Variants in MID1 observed in about 807,000 individuals in gnomAD.
MID1 encodes E3 ubiquitin-protein ligase Midline-1.
MID1 carries 7 observed loss-of-function variants against 40.4 expected under a neutral mutation model. The ratio of observed to expected loss-of-function variants is 0.17; its 90% confidence interval spans 0.10 to 0.33. MID1 has a LOEUF of 0.33. Among genes scored for constraint, MID1 ranks in the 10% least tolerant of loss-of-function variants. MID1 has a pLI of 1.00. For missense variants in MID1, 367 were observed against 558.5 expected, an observed-to-expected ratio of 0.66 and a Z score of 3.46; for synonymous variants, 229 against 221.2, an observed-to-expected ratio of 1.04 and a Z score of -0.31.
intron 1 of MID1, among the ~76,000 whole-genome samples, chrX:10,597,115 T>TTATACATATG (rs1935427473): frequency 9.0e-6 from 1 of 111,350 alleles, no homozygotes. Flanking sequence ...TATGTATTTA[T>TTATACATATG]TATACATATG....
rs1935990229 is a variant in MID1 at position 10,625,866 on chromosome X, A to T, written c.-186-5447T>A. On this transcript the variant is annotated intron_variant, in intron 1 of 10. Transcript: ENST00000380785. ...TCAATGGGACCCAGAAAATAGAGGA[A>T]CCAACATAAAAAGAAGTAAGGAAAG... 2.7e-5 allele frequency among the ~76,000 whole-genome samples: 3 copies of T among 111,868 alleles called. No homozygotes were observed. The South Asian group carries it at 1.1e-3, about 42-fold the overall frequency.
intron 1 of MID1, among the ~76,000 whole-genome samples, chrX:10,768,852 A>G (rs2043747401): frequency 9.0e-6 from 1 of 111,368 alleles, no homozygotes; most frequent in Admixed American, 9.6e-5. Context: ...TTTTTATATA[A>G]CAACGGCTCC....
intron 2 of MID1, among the ~76,000 whole-genome samples, chrX:10,525,730 C>T (rs761453880): frequency 8.9e-6 from 1 of 112,460 alleles, no homozygotes; most frequent in African/African-American, 3.2e-5. Context: ...AGTGCCTCTG[C>T]TTCCTTCCAT....
chrX:10,467,321 G>C (rs775253263), intron 7 of MID1, among the ~76,000 whole-genome samples: 114 of 111,761 alleles, frequency 1.0e-3, no homozygotes, highest in Admixed American at 2.9e-4. Flanking sequence ...AGTCAGAAAT[G>C]AGGAATGATA....
intron 1 of MID1, among the ~76,000 whole-genome samples, chrX:10,785,704 C>A (rs1225056908): frequency 9.0e-6 from 1 of 111,338 alleles, no homozygotes; most frequent in East Asian, 2.8e-4. Flanking sequence ...CTGACAAAAA[C>A]AAGAAATGGG....
chrX:10,817,729 C>T (rs1033969931), intron 1 of MID1, among the ~76,000 whole-genome samples: 2 of 105,931 alleles, frequency 1.9e-5, no homozygotes, highest in East Asian at 2.9e-4. Flanking sequence ...ACGTGATTCT[C>T]GTGCTTCAGC....
chrX:10,771,869 T>G (rs1311607347), intron 1 of MID1, among the ~76,000 whole-genome samples: 3 of 110,224 alleles, frequency 2.7e-5, no homozygotes, highest in African/African-American at 6.6e-5. Context: ...AATCCAAAAA[T>G]TTTAAAACTT....
chrX:10,621,965 C>A (rs1935939822), upstream of MID1, among the ~76,000 whole-genome samples: 5 of 102,946 alleles, frequency 4.9e-5, no homozygotes, highest in South Asian at 1.9e-3. Context: ...AGCACCCCCA[C>A]AATCGTGATG....
intron 1 of MID1, among the ~76,000 whole-genome samples, chrX:10,696,545 G>A (rs1355426375): frequency 6.3e-5 from 7 of 111,713 alleles, no homozygotes; most frequent in African/African-American, 2.3e-4. Context: ...CTCTCACACT[G>A]CAGTTATGCC....
At chrX:10,698,737 A>G (rs2043176854) in intron 1 of MID1, among the ~76,000 whole-genome samples, 1 of 109,931 alleles carries the variant, frequency 9.1e-6, no homozygotes, top group Non-Finnish European at 1.9e-5. Flanking sequence ...AAAAGAAAAA[A>G]AAAAAAAAAA....
intron 1 of MID1, among the ~76,000 whole-genome samples, chrX:10,771,552 T>C (rs1159740370): frequency 9.2e-6 from 1 of 108,740 alleles, no homozygotes; most frequent in African/African-American, 3.3e-5. Flanking sequence ...AGTGCAGTGG[T>C]GCAATCTCAG....
At chrX:10,792,564 T>C (rs2043940122) in intron 1 of MID1, among the ~76,000 whole-genome samples, 1 of 112,094 alleles carries the variant, frequency 8.9e-6, no homozygotes, top group Non-Finnish European at 1.9e-5. Context: ...AATAAATATA[T>C]AGTTCAAAAA....
chrX:10,460,062 A>AT (rs773249940), intron 7 of MID1: 1 of 407,365 alleles, frequency 2.5e-6, no homozygotes, highest in South Asian at 3.4e-5. Context: ...GGTGCAATAT[A>AT]TTTCCCTGTC....
intron 3 of MID1, among the ~76,000 whole-genome samples, chrX:10,510,614 C>CTT (rs1932073657): frequency 1.9e-5 from 2 of 106,202 alleles, no homozygotes; most frequent in African/African-American, 3.5e-5. Context: ...GGGCAGATCA[C>CTT]GAGGTCAGGA....
chrX:10,760,820 C>T (rs749986442), intron 1 of MID1, among the ~76,000 whole-genome samples: 172 of 111,484 alleles, frequency 1.5e-3, no homozygotes, highest in Non-Finnish European at 2.8e-3. Flanking sequence ...CAGCAAAACC[C>T]TGCCTCTAAA....
intron 1 of MID1, among the ~76,000 whole-genome samples, chrX:10,714,784 T>C: frequency 9.0e-6 from 1 of 111,396 alleles, no homozygotes; most frequent in East Asian, 2.8e-4. Context: ...CCAAGGAGCC[T>C]GCCAAAATGT....
chrX:10,809,981 C>CT (rs939127216), intron 1 of MID1, among the ~76,000 whole-genome samples: 5 of 111,002 alleles, frequency 4.5e-5, no homozygotes, highest in Admixed American at 2.9e-4. Flanking sequence ...AGAAGCCACT[C>CT]TTTTTTTTAA....
chrX:10,506,421 C>G (rs1248509074), intron 3 of MID1: 1 of 850,581 alleles, frequency 1.2e-6, no homozygotes, highest in East Asian at 3.4e-5. Flanking sequence ...CTTACCAAGA[C>G]CACCTTGGGC....
At chrX:10,494,572 G>A (rs779519027) in intron 4 of MID1, among the ~76,000 whole-genome samples, 118 of 110,077 alleles carry the variant, frequency 1.1e-3, no homozygotes, top group African/African-American at 3.9e-3. Context: ...CCAGGACTTC[G>A]AGACCAGCCT....
Sources: gnomAD v4.1 joint callset for allele counts (sites outside exome capture counted in the v4.1 genomes callset) on GRCh38, gnomAD v4.1.1 for gene constraint, MANE v1.5 for transcripts, NCBI Gene and HGNC (gene_info 2026-07-23, HGNC 2026-07-21) for gene names.